Variants in VWA8 observed in about 807,000 individuals in gnomAD.
VWA8 encodes the protein von Willebrand factor A domain containing 8, also known as von Willebrand factor A domain-containing protein 8.
A neutral mutation model predicts 241.5 loss-of-function variants in VWA8; 221 were observed. That is an observed-to-expected ratio of 0.91 (90% CI 0.82 to 1.02). The LOEUF (loss-of-function observed/expected upper bound fraction) is 1.02. Among genes scored for constraint, VWA8 ranks in the 50% least tolerant of loss-of-function variants. VWA8 has a pLI of 0.00. For synonymous variants in VWA8, 852 were observed against 827.1 expected (o/e 1.03, Z -0.52); for missense variants, 2,322 against 2,328.7 (o/e 1.00, Z 0.06).
chr13:41,889,697 C>T (rs10507501), intron 5 of VWA8, among the ~76,000 whole-genome samples: 9,804 of 152,102 alleles, frequency 0.064, 395 homozygotes, highest in East Asian at 0.11. Flanking sequence ...TCTTTTGACT[C>T]GCATATCCTG....
rs762977773 is a variant in VWA8, at chr13:41,819,373, T to C, written c.1714A>G (p.Ile572Val). 1.1e-5 allele frequency: 17 copies of C among 1,599,126 alleles called. No individual in the cohort carries two copies. Among genetic ancestry groups the C allele is most frequent in the African/African-American group, 4.1e-5 (3 of 73,584 alleles). ...EQLQKRSIFP[I>V]HPSFRIIALA... ...GCAATGATTCTGAAGGAGGGATGGA[T>C]AGGAAAAATGGATCTAAAATAGGAA... The change falls in exon 15 of 45, where the codon ATC becomes GTC. Residue 572 changes from isoleucine to valine, a missense_variant. Ile to Val is a conservative substitution (Grantham distance 29, BLOSUM62 3). Transcript: ENST00000379310.
chr13:41,581,317 A>G (rs1194739953), intron 42 of VWA8, among the ~76,000 whole-genome samples: 1 of 152,108 alleles, frequency 6.6e-6, no homozygotes, highest in East Asian at 1.9e-4. Context: ...TGAGTCATCT[A>G]AATCAGAGGG....
chr13:41,914,352 T>A (rs1227879765), intron 2 of VWA8, among the ~76,000 whole-genome samples: 1 of 152,310 alleles, frequency 6.6e-6, no homozygotes. Context: ...TTTTTAGCAA[T>A]CTATTAGGTA....
At chr13:41,577,408 G>A (rs2044356910) in intron 42 of VWA8, among the ~76,000 whole-genome samples, 1 of 152,172 alleles carries the variant, frequency 6.6e-6, no homozygotes, top group Non-Finnish European at 1.5e-5. Flanking sequence ...AGAGTGAAAA[G>A]GTACCAAATA....
At chr13:41,877,199 G>A (rs946363140) in intron 9 of VWA8, among the ~76,000 whole-genome samples, 1 of 151,908 alleles carries the variant, frequency 6.6e-6, no homozygotes, top group Non-Finnish European at 1.5e-5. Context: ...CTATACTCAC[G>A]TGTCCAAGGT....
At chr13:41,766,698 G>A (rs2045781000) in intron 20 of VWA8, among the ~76,000 whole-genome samples, 1 of 152,032 alleles carries the variant, frequency 6.6e-6, no homozygotes, top group South Asian at 2.1e-4. Flanking sequence ...TTGCCTATCT[G>A]TCCCGTTGTT....
At chr13:41,776,210 C>G (rs1025953986) in intron 20 of VWA8, among the ~76,000 whole-genome samples, 2 of 152,200 alleles carry the variant, frequency 1.3e-5, no homozygotes, top group South Asian at 4.1e-4. Flanking sequence ...CCAAAAGCCT[C>G]TGTGTCTCTG....
At position 41,886,906 on chromosome 13, in the gene VWA8, A is replaced by C. The variant is rs117139207; in HGVS notation, c.817-76T>G. 722 of 1,161,930 alleles carry C rather than the reference A, an allele frequency of 6.2e-4. 5 individuals are homozygous for C. In the East Asian group the frequency reaches 0.012, roughly 19 times the overall value. The allele number at this position is 1,161,930 out of a possible 1,614,324, so 72.0% of individuals were successfully genotyped here. On this transcript the variant is annotated intron_variant, in intron 6 of 44. Coordinates refer to ENST00000379310, the MANE Select transcript of VWA8 (RefSeq NM_015058.2). Reference sequence around the variant, plus strand: ...TTAAATGCAAATGTTTTGTAGATACAATCCAACCTTTTAATTAAGCAGACA... The same window carrying C: ...TTAAATGCAAATGTTTTGTAGATACCATCCAACCTTTTAATTAAGCAGACA...
rs2045279767 is a variant in VWA8, at chr13:41,705,853, A to C, written c.3117-2442T>G. ...TTGATACTCTGAAGTGAAAATAAAT[A>C]ATCAGAATGAAAATATCTATAGTTA... is the stretch of plus-strand genomic sequence containing the variant. On this transcript the variant is annotated intron_variant, in intron 26 of 44. Coordinates refer to ENST00000379310, the MANE Select transcript of VWA8 (RefSeq NM_015058.2). 3.9e-5 allele frequency among the ~76,000 whole-genome samples: 6 copies of C among 152,202 alleles called. No individual in the cohort carries two copies. In the South Asian group the frequency reaches 1.2e-3, roughly 32 times the overall value.
At chr13:41,916,598 T>C (rs937094431) in intron 2 of VWA8, among the ~76,000 whole-genome samples, 1 of 152,256 alleles carries the variant, frequency 6.6e-6, no homozygotes, top group African/African-American at 2.4e-5. Flanking sequence ...CATGTTTTAG[T>C]ATAGCGTATT....
At chr13:41,766,871 G>A (rs989195788) in intron 20 of VWA8, among the ~76,000 whole-genome samples, 1 of 152,158 alleles carries the variant, frequency 6.6e-6, no homozygotes, top group East Asian at 1.9e-4. Flanking sequence ...TAATGTCATG[G>A]AGTCAAAGAT....
chr13:41,693,005 A>ATTT (rs781767917), intron 29 of VWA8, 33 bp from the exon 30 acceptor site: 3 of 1,345,110 alleles, frequency 2.2e-6, no homozygotes, highest in Middle Eastern at 1.9e-4. Context: ...AAAGCTCAAG[A>ATTT]TTTGTTCTTT....
chr13:41,590,587 GT>G (rs2044447795), intron 41 of VWA8, 52 bp downstream of exon 41: 2 of 1,501,522 alleles, frequency 1.3e-6, no homozygotes, highest in South Asian at 2.7e-5. Context: ...GCAAGTTTCT[GT>G]AAAGAGGGCT....
intron 12 of VWA8, among the ~76,000 whole-genome samples, chr13:41,852,000 C>T (rs1444292530): frequency 6.6e-6 from 1 of 152,036 alleles, no homozygotes; most frequent in Non-Finnish European, 1.5e-5. Context: ...TTTTGAGGAC[C>T]CTCCATACTA....
chr13:41,831,261 T>C (rs982764850), intron 13 of VWA8, among the ~76,000 whole-genome samples: 6 of 152,036 alleles, frequency 3.9e-5, no homozygotes, highest in African/African-American at 1.4e-4. Flanking sequence ...CTCCATTCTA[T>C]AAGCACTGAA....
chr13:41,588,907 T>C (rs2139646265), intron 41 of VWA8, among the ~76,000 whole-genome samples: 1 of 152,342 alleles, frequency 6.6e-6, no homozygotes, highest in South Asian at 2.1e-4. Context: ...CTGCCCAAAT[T>C]AAGAACACTT....
chr13:41,798,224 CTTTG>C (rs1869791435), intron 17 of VWA8, among the ~76,000 whole-genome samples: 1 of 152,118 alleles, frequency 6.6e-6, no homozygotes, highest in Non-Finnish European at 1.5e-5. Flanking sequence ...ATTTTTATTG[CTTTG>C]TTTTTCACAA....
chr13:41,795,302 GT>G (rs1008087878), intron 17 of VWA8, among the ~76,000 whole-genome samples: 1 of 152,162 alleles, frequency 6.6e-6, no homozygotes, highest in African/African-American at 2.4e-5. Context: ...AACAATATAT[GT>G]TGGCTAGGCT....
At chr13:41,785,964 T>A (rs1869171590) in intron 18 of VWA8, among the ~76,000 whole-genome samples, 1 of 152,162 alleles carries the variant, frequency 6.6e-6, no homozygotes, top group African/African-American at 2.4e-5. Flanking sequence ...AGGACAAGTT[T>A]ATTCACTCAT....
Sources: gnomAD v4.1 joint callset for allele counts (sites outside exome capture counted in the v4.1 genomes callset) on GRCh38, gnomAD v4.1.1 for gene constraint, MANE v1.5 for transcripts, NCBI Gene and HGNC (gene_info 2026-07-23, HGNC 2026-07-21) for gene names.